Variants in VTI1A observed in about 807,000 individuals in gnomAD.
VTI1A encodes the protein vesicle transport through interaction with t-SNAREs 1A.
A neutral mutation model predicts 34.9 loss-of-function variants in VTI1A; 22 were observed. The observed-to-expected ratio is 0.63, with a 90% CI of 0.45 to 0.90. VTI1A has a LOEUF of 0.90. VTI1A is among the 40% of genes least tolerant of loss of function. The pLI, the probability that VTI1A is intolerant of heterozygous loss-of-function variation, is 0.00. For synonymous variants in VTI1A, 87 were observed against 97.3 expected, an observed-to-expected ratio of 0.89 and a Z score of 0.62; for missense variants, 268 against 275.6, an observed-to-expected ratio of 0.97 and a Z score of 0.20.
chr10:112,605,787 G>C (rs2134489873), intron 5 of VTI1A, among the ~76,000 whole-genome samples: 1 of 152,286 alleles, frequency 6.6e-6, no homozygotes, highest in Non-Finnish European at 1.5e-5. Context: ...TAGGCCAGAG[G>C]TGGAACACAG....
intron 5 of VTI1A, among the ~76,000 whole-genome samples, chr10:112,634,548 C>G (rs548169428): frequency 7.4e-6 from 1 of 135,384 alleles, no homozygotes; most frequent in South Asian, 2.4e-4. Flanking sequence ...CACACACACA[C>G]GAATTTCATG....
intron 1 of VTI1A, chr10:112,448,856 T>TC (rs1466070529): frequency 6.6e-6 from 1 of 152,182 alleles, no homozygotes; most frequent in East Asian, 1.9e-4. Flanking sequence ...TTGTTTTTCT[T>TC]CCCCTCACCT....
intron 5 of VTI1A, among the ~76,000 whole-genome samples, chr10:112,579,430 T>C (rs1047872281): frequency 1.3e-5 from 2 of 152,128 alleles, no homozygotes; most frequent in Non-Finnish European, 2.9e-5. Flanking sequence ...GGCTGGGCAC[T>C]GTGGCTCACA....
rs535408091 is a variant in VTI1A at position 112,505,821 on chromosome 10, G to A, written c.265-21266G>A. 2.6e-5 allele frequency among the ~76,000 whole-genome samples: 4 copies of A among 151,912 alleles called. No homozygotes were observed. The South Asian group carries it at 8.3e-4, about 32-fold the overall frequency. On this transcript the variant is annotated intron_variant, in intron 3 of 7. Coordinates refer to ENST00000393077, the MANE Select transcript of VTI1A (RefSeq NM_145206.4). Reference sequence around the variant, plus strand: ...CCTGAGTAGCTGGGACTACAGGTGTGTGCCACCACACCTGGCTAATTTAAA... The same window carrying A: ...CCTGAGTAGCTGGGACTACAGGTGTATGCCACCACACCTGGCTAATTTAAA...
At chr10:112,797,025 G>A (rs1852698174) in intron 7 of VTI1A, among the ~76,000 whole-genome samples, 1 of 152,208 alleles carries the variant, frequency 6.6e-6, no homozygotes, top group African/African-American at 2.4e-5. Context: ...CTTCAGACTG[G>A]AAGGCTGAAT....
At chr10:112,551,949 C>G (rs1851377272) in intron 5 of VTI1A, among the ~76,000 whole-genome samples, 1 of 152,174 alleles carries the variant, frequency 6.6e-6, no homozygotes. Flanking sequence ...ATTTTTAAAA[C>G]ATTTTCCATC....
intron 7 of VTI1A, among the ~76,000 whole-genome samples, chr10:112,751,201 A>T (rs1851089195): frequency 6.6e-6 from 1 of 152,174 alleles, no homozygotes; most frequent in Non-Finnish European, 1.5e-5. Flanking sequence ...GAAAAGAATT[A>T]CGACTGTGGT....
intron 7 of VTI1A, among the ~76,000 whole-genome samples, chr10:112,678,644 C>G (rs1848111455): frequency 1.3e-5 from 2 of 152,218 alleles, no homozygotes; most frequent in Admixed American, 1.3e-4. Context: ...TGTTTGAACG[C>G]TCACATTGTA....
chr10:112,831,331 A>T, the VTI1A span: 1 of 152,274 alleles, frequency 6.6e-6, no homozygotes. Context: ...CGTGGGATCC[A>T]CTTTCCTCCT....
intron 3 of VTI1A, among the ~76,000 whole-genome samples, chr10:112,502,758 G>T (rs889749104): frequency 6.6e-6 from 1 of 152,200 alleles, no homozygotes; most frequent in African/African-American, 2.4e-5. Flanking sequence ...TTGAGAGATC[G>T]TGACCTTTTC....
At chr10:112,535,669 T>A (rs1850592688) in intron 4 of VTI1A, among the ~76,000 whole-genome samples, 1 of 152,156 alleles carries the variant, frequency 6.6e-6, no homozygotes. Context: ...GAGCTCTGTC[T>A]GAAGCTCCTG....
intron 7 of VTI1A, among the ~76,000 whole-genome samples, chr10:112,734,008 T>TC (rs1850365462): frequency 6.6e-6 from 1 of 152,108 alleles, no homozygotes; most frequent in South Asian, 2.1e-4. Flanking sequence ...CACCTCAGCC[T>TC]CCCAAAGTGC....
intron 7 of VTI1A, among the ~76,000 whole-genome samples, chr10:112,792,602 CATT>C: frequency 6.6e-6 from 1 of 152,150 alleles, no homozygotes; most frequent in East Asian, 1.9e-4. Context: ...AAAATTAAAA[CATT>C]TCCTTCCCCA....
chr10:112,820,906 G>A (rs1853639486), downstream of VTI1A, among the ~76,000 whole-genome samples: 3 of 152,142 alleles, frequency 2.0e-5, no homozygotes, highest in South Asian at 6.2e-4. Flanking sequence ...GGGATAGCAA[G>A]GGCAAGTAGG....
chr10:112,591,554 AC>A (rs1428228060), intron 5 of VTI1A, among the ~76,000 whole-genome samples: 1 of 148,920 alleles, frequency 6.7e-6, no homozygotes, highest in African/African-American at 2.5e-5. Context: ...AAGAAGAGAT[AC>A]TTTACTTAAA....
At chr10:112,806,309 G>A (rs529915590) in intron 7 of VTI1A, among the ~76,000 whole-genome samples, 218 of 151,920 alleles carry the variant, frequency 1.4e-3, no homozygotes, top group African/African-American at 5.0e-3. Context: ...TTTTTGAGAC[G>A]GAGTCTCACT....
At position 112,815,488 on chromosome 10, in the gene VTI1A, C is replaced by CCT; in HGVS notation, c.*113_*114dup. The CCT allele has an allele frequency of 1.1e-6, 1 of 921,502 alleles. No homozygotes were observed. Among genetic ancestry groups the CCT allele is most frequent in the Non-Finnish European group, 1.7e-6 (1 of 573,614 alleles). 57.1% of individuals were successfully genotyped at this position (921,502 alleles called of 1,614,324 possible). On this transcript the variant is annotated 3_prime_UTR_variant, in exon 8 of 8. Coordinates refer to ENST00000393077, the MANE Select transcript of VTI1A (RefSeq NM_145206.4). ...GTTGCGCTGACAGGCCCCAGGTGAC[C>CCT]CTCTCTCTCCCTCACCGCCGTTGGG...
chr10:112,502,653 T>TTTC (rs1849283879), intron 3 of VTI1A, among the ~76,000 whole-genome samples: 2 of 152,164 alleles, frequency 1.3e-5, no homozygotes, highest in South Asian at 4.1e-4. Context: ...CTCTCTTCAT[T>TTTC]TTCTTCCCAA....
intron 5 of VTI1A, among the ~76,000 whole-genome samples, chr10:112,593,830 G>A (rs570970347): frequency 1.4e-4 from 21 of 152,146 alleles, no homozygotes; most frequent in Middle Eastern, 3.4e-3. Flanking sequence ...TTCGCCTCCC[G>A]GGCTCACGCC....
Sources: allele counts gnomAD v4.1 joint callset (sites outside exome capture counted in the v4.1 genomes callset), GRCh38; gene constraint gnomAD v4.1.1; transcripts MANE v1.5; gene names NCBI Gene and HGNC (gene_info 2026-07-23, HGNC 2026-07-21).